The following DIP2C variants were observed in gnomAD, a reference collection of about 807,000 sequenced individuals.
DIP2C encodes the protein disco-interacting protein 2 homolog C.
In DIP2C, 33 loss-of-function variants were observed where a neutral mutation model predicts 192.4. The ratio of observed to expected loss-of-function variants is 0.17; its 90% CI spans 0.13 to 0.23. The LOEUF is 0.23. DIP2C is among the 10% of genes least tolerant of loss of function. The pLI, the probability that DIP2C is intolerant of heterozygous loss-of-function variation, is 1.00. For missense variants in DIP2C, 1,537 were observed against 2,110.1 expected (o/e 0.73, Z 5.32); for synonymous variants, 979 against 864.1 (o/e 1.13, Z -2.33).
At chr10:686,688 G>A (rs780436211) in intron 1 of DIP2C, among the ~76,000 whole-genome samples, 1 of 152,258 alleles carries the variant, frequency 6.6e-6, no homozygotes, top group Non-Finnish European at 1.5e-5. Flanking sequence ...GGTGTGAGCT[G>A]GCCTCACCTT....
Position 689,065 on chromosome 10 carries a change from G to T in DIP2C, c.85+429C>A, listed in dbSNP as rs925725788. 6.6e-6 allele frequency among the ~76,000 whole-genome samples: 1 copy of T among 152,152 alleles called. No individual in the cohort carries two copies. Among genetic ancestry groups the T allele is most frequent in the Non-Finnish European group, 1.5e-5 (1 of 68,010 alleles). On this transcript the variant is annotated intron_variant, in intron 1 of 36. Transcript: ENST00000280886. This position sits in a 1 kb window ranked among gnomAD's most constrained non-coding sequence, Gnocchi z 6.1. ...CTGCACCAAGGACGCCGCGGCTCCAGCGCAGAGCGCACGGGAAGGCCGATC... is the reference window on the plus strand; with the variant it reads ...CTGCACCAAGGACGCCGCGGCTCCATCGCAGAGCGCACGGGAAGGCCGATC...
At chr10:456,282 G>A (rs1410039113) in intron 3 of DIP2C, among the ~76,000 whole-genome samples, 2 of 120,072 alleles carry the variant, frequency 1.7e-5, no homozygotes, top group East Asian at 2.5e-4. Context: ...GTGAGTCCCT[G>A]CCTGAGGGGA....
chr10:673,440 T>A (rs114222865), intron 1 of DIP2C, among the ~76,000 whole-genome samples: 311 of 152,300 alleles, frequency 2.0e-3, no homozygotes, highest in African/African-American at 7.3e-3. Context: ...TTTTTCTATA[T>A]CTTTGTTTCA....
intron 1 of DIP2C, among the ~76,000 whole-genome samples, chr10:687,380 A>G (rs1025922647): frequency 3.3e-5 from 5 of 152,208 alleles, no homozygotes; most frequent in African/African-American, 1.2e-4. Flanking sequence ...AAAGTTAAAG[A>G]CCATCCAGCA....
intron 1 of DIP2C, chr10:663,146 T>C (rs1856868519): frequency 4.1e-6 from 2 of 489,260 alleles, no homozygotes; most frequent in Admixed American, 3.5e-5. Context: ...TCAGCATGGG[T>C]GAGTTTCTGT....
At chr10:606,355 G>C (rs1427118983) in intron 1 of DIP2C, among the ~76,000 whole-genome samples, 1 of 152,108 alleles carries the variant, frequency 6.6e-6, no homozygotes, top group African/African-American at 2.4e-5. Context: ...TACCTGCTGT[G>C]ATCTGAATTC....
At chr10:366,878 G>A (rs75884549) in intron 18 of DIP2C, among the ~76,000 whole-genome samples, 2,097 of 152,168 alleles carry the variant, frequency 0.014, 33 homozygotes, top group African/African-American at 0.042. Flanking sequence ...CTTTGCACAC[G>A]GTTCAATGCT....
At chr10:321,626 G>C (rs1338228177) in intron 31 of DIP2C, among the ~76,000 whole-genome samples, 9 of 128,778 alleles carry the variant, frequency 7.0e-5, no homozygotes, top group African/African-American at 2.4e-4. Context: ...TCAGTCGGGG[G>C]TGCGGGGCTC....
At chr10:509,129 G>A (rs529197962) in intron 1 of DIP2C, among the ~76,000 whole-genome samples, 22 of 152,200 alleles carry the variant, frequency 1.4e-4, no homozygotes, top group Non-Finnish European at 2.5e-4. Context: ...GGACACTCAC[G>A]ATGCTTGACC....
chr10:444,620 G>C (rs1968011002), intron 3 of DIP2C, among the ~76,000 whole-genome samples: 1 of 151,980 alleles, frequency 6.6e-6, no homozygotes, highest in South Asian at 2.1e-4. Flanking sequence ...TCATTCATGA[G>C]GAGTGTTCCT....
At chr10:385,191 C>G (rs746204228) in intron 14 of DIP2C, among the ~76,000 whole-genome samples, 3 of 151,538 alleles carry the variant, frequency 2.0e-5, no homozygotes, top group Non-Finnish European at 4.4e-5. Context: ...CCACGGACAC[C>G]GGGCTGCACA....
chr10:674,677 G>A (rs1259156343), intron 1 of DIP2C, among the ~76,000 whole-genome samples: 1 of 151,464 alleles, frequency 6.6e-6, no homozygotes, highest in Non-Finnish European at 1.5e-5. Flanking sequence ...GCTGAGGCAG[G>A]AGAATCACTT....
Position 369,781 on chromosome 10 carries a change from A to G in DIP2C, c.1992-148T>C, listed in dbSNP as rs146765972. 300 of 1,416,754 alleles carry G rather than the reference A, an allele frequency of 2.1e-4. 8 individuals carry two copies. The East Asian group carries it at 6.9e-3, about 33-fold the overall frequency. The allele number at this position is 1,416,754 out of a possible 1,614,324, so 87.8% of individuals were successfully genotyped here. A position where few individuals can be genotyped will look rare whatever the true frequency, so the allele number is the denominator to read the frequency against. ...CAGTGCTGGCTGCCCATGTGGCTGC[A>G]TTAGGGGATGCTCGTTCTGTTTATG... On this transcript the variant is annotated intron_variant, in intron 17 of 36. Coordinates refer to ENST00000280886, the MANE Select transcript of DIP2C (RefSeq NM_014974.3).
At chr10:499,681 G>A (rs373574232) in intron 1 of DIP2C, among the ~76,000 whole-genome samples, 1 of 152,146 alleles carries the variant, frequency 6.6e-6, no homozygotes, top group African/African-American at 2.4e-5. Context: ...CAGCATAGGG[G>A]AATCCACCCC....
At chr10:681,393 G>T (rs1432037237) in intron 1 of DIP2C, among the ~76,000 whole-genome samples, 1 of 151,448 alleles carries the variant, frequency 6.6e-6, no homozygotes, top group African/African-American at 2.4e-5. Context: ...ACCATCTATG[G>T]CCACAGAAAT....
intron 2 of DIP2C, among the ~76,000 whole-genome samples, chr10:480,771 G>C (rs543538651): frequency 1.6e-4 from 24 of 152,342 alleles, no homozygotes; most frequent in African/African-American, 5.5e-4. Context: ...AGCTCCCTGT[G>C]GCAGAACACG....
At chr10:542,176 G>A (rs759176640) in intron 1 of DIP2C, among the ~76,000 whole-genome samples, 27 of 152,148 alleles carry the variant, frequency 1.8e-4, no homozygotes, top group South Asian at 4.1e-4. Context: ...ACCCTGTGAC[G>A]GCTCACTCCC....
intron 1 of DIP2C, among the ~76,000 whole-genome samples, chr10:523,068 C>T (rs935847622): frequency 3.3e-5 from 5 of 151,272 alleles, no homozygotes; most frequent in East Asian, 3.9e-4. Context: ...GTGACCCACG[C>T]GCTCATTTCC....
chr10:310,670 G>T (rs1235967570), intron 31 of DIP2C, among the ~76,000 whole-genome samples: 1 of 152,214 alleles, frequency 6.6e-6, no homozygotes, highest in Non-Finnish European at 1.5e-5. Flanking sequence ...AGCTGGGCAG[G>T]ACTTTGTGGT....
Sources: allele counts gnomAD v4.1 joint callset (sites outside exome capture counted in the v4.1 genomes callset), GRCh38; gene constraint gnomAD v4.1.1; non-coding constraint Gnocchi (gnomAD v3.1); transcripts MANE v1.5; gene names NCBI Gene and HGNC (gene_info 2026-07-23, HGNC 2026-07-21).